BRINP1: variants seen among roughly 807,000 people sequenced by gnomAD.
The protein encoded by BRINP1 is BMP/retinoic acid inducible neural specific 1.
In BRINP1, 17 loss-of-function variants were observed where a neutral mutation model predicts 72.9. That is an observed-to-expected ratio of 0.23 (90% CI 0.16 to 0.35). The LOEUF is 0.35. Ranked by LOEUF, BRINP1 falls within the 10% of genes least tolerant of loss-of-function variation. The probability of loss-of-function intolerance (pLI) is 1.00; values close to 1 mark genes in which losing one functional copy is unlikely to be tolerated. For synonymous variants in BRINP1, 418 were observed against 378.5 expected, an observed-to-expected ratio of 1.10 and a Z score of -1.21; for missense variants, 850 against 1,001.6, an observed-to-expected ratio of 0.85 and a Z score of 2.04.
chr9:119,217,993 T>G (rs1241484661), intron 5 of BRINP1, among the ~76,000 whole-genome samples: 2 of 152,072 alleles, frequency 1.3e-5, no homozygotes, highest in Non-Finnish European at 2.9e-5. Context: ...AGACCCAGGT[T>G]AAAAGGCATC....
chr9:119,168,317 A>T, intron 7 of BRINP1, 93 bp from the exon 8 acceptor site: 1 of 1,019,388 alleles, frequency 9.8e-7, no homozygotes, highest in Non-Finnish European at 1.4e-6. Flanking sequence ...TGGAGCTGCC[A>T]AAAAGATGAA....
intron 1 of BRINP1, among the ~76,000 whole-genome samples, chr9:119,335,071 G>A (rs971804564): frequency 2.6e-5 from 4 of 152,104 alleles, no homozygotes; most frequent in African/African-American, 4.8e-5. Context: ...ATATTCTCCC[G>A]ACTGAGACGG....
chr9:119,349,705 G>T (rs1334075613), intron 1 of BRINP1, among the ~76,000 whole-genome samples: 1 of 152,154 alleles, frequency 6.6e-6, no homozygotes, highest in Non-Finnish European at 1.5e-5. Flanking sequence ...TTCGCTGGGT[G>T]TCAGACTGCT....
rs536052472 is a variant in BRINP1 at position 119,167,831 on chromosome 9, G to A, written c.1539C>T (p.Asp513=). The change falls in exon 8 of 8, where the codon GAC becomes GAT. Residue 513 remains aspartate, a synonymous_variant. Transcript: ENST00000265922. The surrounding 1 kb of genome is among the most constrained non-coding windows in gnomAD (Gnocchi z 4.3). ...TTFISNEIRL[D]TFFDPRWRKR... ...TGCGCCACCGAGGGTCAAAGAAGGT[G>A]TCGAGGCGGATCTCGTTGCTGATGA... 850 of 1,614,140 alleles carry A rather than the reference G, an allele frequency of 5.3e-4. 10 individuals are homozygous for A. The South Asian group carries it at 8.9e-3, about 17-fold the overall frequency.
At chr9:119,341,185 A>G (rs1831402052) in intron 1 of BRINP1, among the ~76,000 whole-genome samples, 1 of 152,192 alleles carries the variant, frequency 6.6e-6, no homozygotes, top group Non-Finnish European at 1.5e-5. Context: ...AAAAGTTGGG[A>G]AGACACCACA....
intron 1 of BRINP1, among the ~76,000 whole-genome samples, chr9:119,342,173 T>C (rs547212298): frequency 6.6e-6 from 1 of 151,966 alleles, no homozygotes; most frequent in African/African-American, 2.4e-5. Context: ...AATGGTTGTA[T>C]TGTTTTTTGG....
chr9:119,352,559 C>A (rs1223951419), intron 1 of BRINP1, among the ~76,000 whole-genome samples: 1 of 152,068 alleles, frequency 6.6e-6, no homozygotes, highest in Non-Finnish European at 1.5e-5. Flanking sequence ...AGATGTGCAC[C>A]ACCACACCCA....
intron 4 of BRINP1, among the ~76,000 whole-genome samples, chr9:119,240,900 TTAGAG>T (rs1234327404): frequency 2.6e-5 from 4 of 152,150 alleles, no homozygotes; most frequent in South Asian, 2.1e-4. Flanking sequence ...TTAGAAGAAA[TTAGAG>T]TAAAGACTGA....
chr9:119,284,134 TTTC>T (rs1830738049), intron 2 of BRINP1, among the ~76,000 whole-genome samples: 1 of 152,142 alleles, frequency 6.6e-6, no homozygotes, highest in South Asian at 2.1e-4. Context: ...CCCATCTGGG[TTTC>T]GCTTTTTGCT....
At chr9:119,170,390 GATGAAATGA>G (rs1424264373) in intron 7 of BRINP1, among the ~76,000 whole-genome samples, 4 of 150,700 alleles carry the variant, frequency 2.7e-5, no homozygotes, top group African/African-American at 4.9e-5. Context: ...AGCAATGGAA[GATGAAATGA>G]ATGAAATGAA....
chr9:119,190,068 C>T (rs1588159154), intron 7 of BRINP1, among the ~76,000 whole-genome samples: 3 of 151,938 alleles, frequency 2.0e-5, no homozygotes, highest in Middle Eastern at 3.4e-3. Flanking sequence ...TGCTCCTTAA[C>T]AACCAATAGG....
chr9:119,179,343 G>A lies in BRINP1; in HGVS notation c.1146-11119C>T, dbSNP rs76626749. On this transcript the variant is annotated intron_variant, in intron 7 of 7. Coordinates refer to ENST00000265922, the MANE Select transcript of BRINP1 (RefSeq NM_014618.3). ...TTTCAATTCATTCTGATAGGGGGCT[G>A]AGAGGAGAGAAGGAAGGAGAAAGTA... Among the ~76,000 whole-genome samples, 677 of 152,338 alleles carry A rather than the reference G, an allele frequency of 4.4e-3. 9 individuals carry two copies. The highest frequency in any genetic ancestry group is 0.015 in the African/African-American group (631 of 41,584).
chr9:119,304,196 T>C (rs1830970852), intron 2 of BRINP1, among the ~76,000 whole-genome samples: 1 of 152,174 alleles, frequency 6.6e-6, no homozygotes, highest in Admixed American at 6.5e-5. Flanking sequence ...GGCTGTCTTA[T>C]ATTCTCTTCT....
At chr9:119,351,757 CAA>C (rs779868500) in intron 1 of BRINP1, among the ~76,000 whole-genome samples, 7 of 152,150 alleles carry the variant, frequency 4.6e-5, no homozygotes, top group Non-Finnish European at 1.0e-4. Flanking sequence ...AGTCAATGAG[CAA>C]AGTCATTATT....
intron 1 of BRINP1, among the ~76,000 whole-genome samples, chr9:119,345,630 C>A (rs1420306067): frequency 6.6e-6 from 1 of 152,156 alleles, no homozygotes; most frequent in Admixed American, 6.5e-5. Flanking sequence ...TAAAGTTGTA[C>A]CATTAGTTCT....
chr9:119,251,170 G>A (rs1241098241), intron 2 of BRINP1, among the ~76,000 whole-genome samples: 1 of 152,152 alleles, frequency 6.6e-6, no homozygotes, highest in Non-Finnish European at 1.5e-5. Context: ...GCATGTTGTT[G>A]CAGGTACTTA....
chr9:119,266,888 A>G (rs1830553632), intron 2 of BRINP1, among the ~76,000 whole-genome samples: 1 of 152,224 alleles, frequency 6.6e-6, no homozygotes, highest in African/African-American at 2.4e-5. Context: ...TGAGATGAAA[A>G]GCCACTATAG....
chr9:119,243,522 A>C (rs1484107886), intron 3 of BRINP1, among the ~76,000 whole-genome samples: 1 of 152,196 alleles, frequency 6.6e-6, no homozygotes, highest in Admixed American at 6.5e-5. Context: ...ATATGTGTGC[A>C]TGTATCTTTG....
chr9:119,326,878 T>G (rs1478537583), intron 1 of BRINP1, among the ~76,000 whole-genome samples: 5 of 152,234 alleles, frequency 3.3e-5, no homozygotes, highest in Non-Finnish European at 7.3e-5. Context: ...AAATGCTTCC[T>G]GGAGATGACA....
Sources: gnomAD v4.1 joint callset for allele counts (sites outside exome capture counted in the v4.1 genomes callset) on GRCh38, gnomAD v4.1.1 for gene constraint, Gnocchi (gnomAD v3.1) non-coding constraint, MANE v1.5 for transcripts, NCBI Gene and HGNC (gene_info 2026-07-23, HGNC 2026-07-21) for gene names.